PLCXD3: variants seen among roughly 807,000 people sequenced by gnomAD.
PLCXD3 encodes PI-PLC X domain-containing protein 3.
PLCXD3 carries 19 observed loss-of-function variants against 25.5 expected under a neutral mutation model. The ratio of observed to expected loss-of-function variants is 0.75; its 90% confidence interval spans 0.52 to 1.09. The LOEUF (loss-of-function observed/expected upper bound fraction) is 1.09, where lower values mean the gene tolerates loss of function less well. PLCXD3 is among the 50% of genes least tolerant of loss of function. The probability of loss-of-function intolerance (pLI) is 0.00; values close to 1 mark genes in which losing one functional copy is unlikely to be tolerated. For missense variants in PLCXD3, 411 were observed against 388.1 expected (o/e 1.06, Z -0.50); for synonymous variants, 174 against 137.6 (o/e 1.26, Z -1.85).
intron 1 of PLCXD3, among the ~76,000 whole-genome samples, chr5:41,420,553 C>A (rs638701): frequency 0.16 from 24,097 of 152,200 alleles, 2,484 homozygotes; most frequent in African/African-American, 0.28. Flanking sequence ...GGGTCTACCT[C>A]CAAACCCCTT....
chr5:41,369,872 C>T (rs7734145), intron 2 of PLCXD3, among the ~76,000 whole-genome samples: 161 of 152,116 alleles, frequency 1.1e-3, no homozygotes, highest in African/African-American at 3.8e-3. Context: ...CTTTTCTGTT[C>T]GGTATTCAGA....
intron 2 of PLCXD3, among the ~76,000 whole-genome samples, chr5:41,349,111 T>TATCCA: frequency 6.6e-6 from 1 of 152,324 alleles, no homozygotes; most frequent in South Asian, 2.1e-4. Context: ...AGAGTCCACA[T>TATCCA]ATCCATGTGT....
rs148793521 is a variant in PLCXD3, at chr5:41,319,009, T to C, written c.813-5239A>G. ...AAATTTCAAAACAAAAACTGTAAGA[T>C]GAGACAAATAATGTCACTGTGCCAT... On this transcript the variant is annotated intron_variant, in intron 2 of 2. Coordinates refer to ENST00000377801, the MANE Select transcript of PLCXD3 (RefSeq NM_001005473.3). Among the ~76,000 whole-genome samples the C allele has an allele frequency of 2.0e-5, 3 of 152,292 alleles. 1 individual carries two copies. Among genetic ancestry groups the C allele is most frequent in the African/African-American group, 7.2e-5 (3 of 41,566 alleles).
At chr5:41,328,160 C>A (rs1342333183) in intron 2 of PLCXD3, among the ~76,000 whole-genome samples, 1 of 152,116 alleles carries the variant, frequency 6.6e-6, no homozygotes, top group Admixed American at 6.5e-5. Context: ...TCACTCTAAG[C>A]CTCAGTTTTA....
chr5:41,494,226 G>A (rs1271531621), intron 1 of PLCXD3, among the ~76,000 whole-genome samples: 1 of 152,194 alleles, frequency 6.6e-6, no homozygotes, highest in Non-Finnish European at 1.5e-5. Context: ...CTCCTAAGTA[G>A]CTGGGACTGC....
intron 1 of PLCXD3, among the ~76,000 whole-genome samples, chr5:41,480,764 T>C (rs1748391495): frequency 6.6e-6 from 1 of 151,732 alleles, no homozygotes; most frequent in Non-Finnish European, 1.5e-5. Context: ...CTACTAAAAA[T>C]ACAAAAATTA....
intron 1 of PLCXD3, among the ~76,000 whole-genome samples, chr5:41,383,333 C>T (rs531242916): frequency 1.3e-5 from 2 of 152,166 alleles, no homozygotes; most frequent in South Asian, 4.1e-4. Flanking sequence ...AGAAGAATTT[C>T]TTCCTAGGAA....
At chr5:41,493,632 G>T (rs1258666643) in intron 1 of PLCXD3, among the ~76,000 whole-genome samples, 1 of 152,248 alleles carries the variant, frequency 6.6e-6, no homozygotes, top group African/African-American at 2.4e-5. Flanking sequence ...GCAAGCCTGG[G>T]CAATGGTGGG....
intron 2 of PLCXD3, among the ~76,000 whole-genome samples, chr5:41,380,174 A>G (rs1745414746): frequency 6.6e-6 from 1 of 151,838 alleles, no homozygotes; most frequent in African/African-American, 2.4e-5. Flanking sequence ...CATGACCCTG[A>G]TGGTACCTTC....
intron 1 of PLCXD3, among the ~76,000 whole-genome samples, chr5:41,501,714 A>C (rs1748955078): frequency 8.3e-6 from 1 of 120,854 alleles, no homozygotes; most frequent in Non-Finnish European, 1.7e-5. Flanking sequence ...TACCACAATA[A>C]AAAAAATAAG....
chr5:41,326,027 C>T (rs763273915), intron 2 of PLCXD3, among the ~76,000 whole-genome samples: 4 of 152,276 alleles, frequency 2.6e-5, no homozygotes, highest in Admixed American at 2.0e-4. Context: ...ACAACCTAAT[C>T]GCCTCCCAAA....
intron 1 of PLCXD3, among the ~76,000 whole-genome samples, chr5:41,412,590 G>C (rs1165808785): frequency 6.6e-6 from 1 of 152,152 alleles, no homozygotes; most frequent in Non-Finnish European, 1.5e-5. Context: ...ACTCGCCCTT[G>C]ATAATGACCT....
At chr5:41,474,881 C>T (rs746608554) in intron 1 of PLCXD3, among the ~76,000 whole-genome samples, 25 of 152,180 alleles carry the variant, frequency 1.6e-4, no homozygotes, top group Non-Finnish European at 3.4e-4. Flanking sequence ...GAGTGTGTCT[C>T]CTCCAACTAA....
At chr5:41,430,456 G>A (rs759751235) in intron 1 of PLCXD3, among the ~76,000 whole-genome samples, 1 of 152,170 alleles carries the variant, frequency 6.6e-6, no homozygotes, top group Admixed American at 6.6e-5. Context: ...TTGAAAATAG[G>A]TGTAGCTTGA....
rs948224496 is a variant in PLCXD3 at position 41,409,736 on chromosome 5, G to T, written c.104-27202C>A. 3.9e-5 allele frequency among the ~76,000 whole-genome samples: 6 copies of T among 152,140 alleles called. No homozygotes were observed. The South Asian group carries it at 6.2e-4, about 16-fold the overall frequency. On this transcript the variant is annotated intron_variant, in intron 1 of 2. Transcript: ENST00000377801. ...AAGGCACTGCCACTAGTACATGAAA[G>T]ATGTTCCCTAAATATTTGTTGCATG... is the stretch of plus-strand genomic sequence containing the variant.
intron 1 of PLCXD3, among the ~76,000 whole-genome samples, chr5:41,471,618 T>C (rs1748159902): frequency 6.6e-6 from 1 of 152,076 alleles, no homozygotes; most frequent in Non-Finnish European, 1.5e-5. Context: ...TAATGAGCAA[T>C]AAGAAATCAT....
At chr5:41,369,782 TA>T (rs1172519103) in intron 2 of PLCXD3, among the ~76,000 whole-genome samples, 1 of 152,152 alleles carries the variant, frequency 6.6e-6, no homozygotes, top group African/African-American at 2.4e-5. Flanking sequence ...ACCAGCCAAC[TA>T]ATAGCTTTTG....
At chr5:41,416,415 G>C (rs1314382561) in intron 1 of PLCXD3, among the ~76,000 whole-genome samples, 1 of 152,216 alleles carries the variant, frequency 6.6e-6, no homozygotes, top group African/African-American at 2.4e-5. Flanking sequence ...CAGAAGGAAG[G>C]TCTGTGTACC....
At chr5:41,373,539 C>A (rs528305669) in intron 2 of PLCXD3, among the ~76,000 whole-genome samples, 2 of 152,290 alleles carry the variant, frequency 1.3e-5, no homozygotes, top group African/African-American at 4.8e-5. Context: ...AAGTGCCTTT[C>A]TCAGTTTCTA....
Sources: allele counts gnomAD v4.1 joint callset (sites outside exome capture counted in the v4.1 genomes callset), GRCh38; gene constraint gnomAD v4.1.1; transcripts MANE v1.5; gene names NCBI Gene and HGNC (gene_info 2026-07-23, HGNC 2026-07-21).